C20orf96: variants seen among roughly 807,000 people sequenced by gnomAD.
C20orf96 encodes the protein uncharacterized protein C20orf96.
A neutral mutation model predicts 52.6 loss-of-function variants in C20orf96; 57 were observed. The observed-to-expected ratio is 1.08, with a 90% CI of 0.88 to 1.35. C20orf96 has a LOEUF of 1.35. Among genes scored for constraint, C20orf96 ranks in the 40% most tolerant of loss-of-function variants. C20orf96 has a pLI of 0.00. For missense variants in C20orf96, 478 were observed against 443.6 expected, an observed-to-expected ratio of 1.08 and a Z score of -0.70; for synonymous variants, 168 against 157.2, an observed-to-expected ratio of 1.07 and a Z score of -0.51.
Position 278,443 on chromosome 20 carries a change from G to A in C20orf96, c.466-14C>T. 1 of 1,604,882 alleles carries A rather than the reference G, an allele frequency of 6.2e-7. No homozygotes were observed. The highest frequency in any genetic ancestry group is 2.2e-5 in the East Asian group (1 of 44,804). ...GTCGATGATGGTCTGCGGGAGGGGTGGAGTCAACTCACCCACAGGCTCTGC... is the reference window on the plus strand; with the variant it reads ...GTCGATGATGGTCTGCGGGAGGGGTAGAGTCAACTCACCCACAGGCTCTGC... On this transcript the variant is annotated splice_polypyrimidine_tract_variant and intron_variant, in intron 5 of 10. Transcript: ENST00000360321.
chr20:286,344 C>T (rs964116482), intron 3 of C20orf96, among the ~76,000 whole-genome samples: 2 of 151,680 alleles, frequency 1.3e-5, no homozygotes, highest in Non-Finnish European at 2.9e-5. Context: ...TGGTGAAACC[C>T]CATCTCTACT....
At position 271,182 on chromosome 20, in the gene C20orf96, G is replaced by A. The variant is rs954741825; in HGVS notation, c.*25C>T. 2.6e-6 allele frequency: 4 copies of A among 1,546,086 alleles called. No individual in the cohort carries two copies. Among genetic ancestry groups the A allele is most frequent in the Non-Finnish European group, 2.6e-6 (3 of 1,141,830 alleles). ...CAGGTGCTGGGAAGAGAGCAGGAGG[G>A]GAGGGCGGCCCATGGCACTGCCATC... is the stretch of plus-strand genomic sequence containing the variant. On this transcript the variant is annotated 3_prime_UTR_variant, in exon 11 of 11. Transcript: ENST00000360321.
At chr20:281,848 C>A (rs1332797807) in intron 4 of C20orf96, among the ~76,000 whole-genome samples, 10 of 152,106 alleles carry the variant, frequency 6.6e-5, no homozygotes, top group Non-Finnish European at 1.5e-5. Flanking sequence ...TGTCTATAGT[C>A]CCAACTACTC....
chr20:273,899 A>AAGGG (rs1299314870), intron 10 of C20orf96, among the ~76,000 whole-genome samples: 2 of 59,030 alleles, frequency 3.4e-5, no homozygotes, highest in African/African-American at 1.6e-4. Flanking sequence ...GGAAGAAAGG[A>AAGGG]AGGAAGGGAG....
At chr20:288,103 A>C (rs2012434132) in intron 3 of C20orf96, among the ~76,000 whole-genome samples, 1 of 135,022 alleles carries the variant, frequency 7.4e-6, no homozygotes, top group African/African-American at 2.8e-5. Context: ...TTTACATTTA[A>C]TTTCTATTTT....
chr20:281,101 A>T (rs2012242959), intron 4 of C20orf96, among the ~76,000 whole-genome samples: 3 of 152,180 alleles, frequency 2.0e-5, no homozygotes, highest in Admixed American at 2.0e-4. Flanking sequence ...GGCTGCAGTA[A>T]GTCAAGATTA....
intron 3 of C20orf96, among the ~76,000 whole-genome samples, chr20:284,914 C>G (rs552318503): frequency 6.6e-6 from 1 of 152,302 alleles, no homozygotes; most frequent in Non-Finnish European, 1.5e-5. Context: ...CTTCTACTAG[C>G]TGCGTGACCT....
rs754475212 is a variant in C20orf96, at chr20:279,284, C to T, written c.353G>A (p.Arg118His). 6.2e-7 allele frequency: 1 copy of T among 1,609,838 alleles called. No homozygotes were observed. Among genetic ancestry groups the T allele is most frequent in the South Asian group, 1.1e-5 (1 of 91,038 alleles). The change falls in exon 5 of 11, where the codon CGT becomes CAT. Residue 118 changes from arginine to histidine, a missense_variant. Transcript: ENST00000360321. The part of the protein sequence containing the change: ...GRAALRELRS[R>H]ENFLSKLNRE... Reference sequence around the variant, plus strand: ...GTTGAGCTTGCTGAGGAAGTTCTCACGGCTTCGGAGCTCTCGCAGAGCGGC... The same window carrying T: ...GTTGAGCTTGCTGAGGAAGTTCTCATGGCTTCGGAGCTCTCGCAGAGCGGC...
At chr20:287,406 C>T (rs1246345008) in intron 3 of C20orf96, among the ~76,000 whole-genome samples, 1 of 152,214 alleles carries the variant, frequency 6.6e-6, no homozygotes, top group Non-Finnish European at 1.5e-5. Flanking sequence ...TGCATTGCCC[C>T]AATGGCTAAT....
intron 4 of C20orf96, among the ~76,000 whole-genome samples, chr20:279,885 G>A (rs1376173923): frequency 6.6e-6 from 1 of 152,060 alleles, no homozygotes; most frequent in Non-Finnish European, 1.5e-5. Flanking sequence ...CAGGAGAATC[G>A]CTTGAACCTG....
chr20:289,444 A>G, intron 3 of C20orf96, 115 bp downstream of exon 3: 1 of 709,456 alleles, frequency 1.4e-6, no homozygotes, highest in Non-Finnish European at 2.6e-6. Flanking sequence ...CAATTTGGGC[A>G]TTGTTTATTA....
intron 4 of C20orf96, among the ~76,000 whole-genome samples, chr20:283,508 T>G (rs961613441): frequency 5.3e-5 from 8 of 152,124 alleles, no homozygotes; most frequent in African/African-American, 1.9e-4. Flanking sequence ...TTCACCACGT[T>G]GGCCAGGCTG....
At chr20:289,305 A>G (rs2012475235) in intron 3 of C20orf96, among the ~76,000 whole-genome samples, 1 of 152,102 alleles carries the variant, frequency 6.6e-6, no homozygotes, top group Non-Finnish European at 1.5e-5. Context: ...AGACCTTACA[A>G]AATATCAGAC....
intron 3 of C20orf96, 90 bp from the exon 4 acceptor site, chr20:284,171 G>C: frequency 1.1e-6 from 1 of 906,162 alleles, no homozygotes; most frequent in Non-Finnish European, 1.8e-6. Context: ...AATGAGAGGA[G>C]GGCCAGACCC....
At position 276,421 on chromosome 20, in the gene C20orf96, A is replaced by G. The variant is rs1215014554; in HGVS notation, c.913-335T>C. ...TTAAAAACCAGTGAAGAGGCAAGAT[A>G]ATGAAAATTAATTCAAGAAGGCAGT... On this transcript the variant is annotated intron_variant, in intron 9 of 10. Transcript: ENST00000360321. The G allele has an allele frequency of 1.1e-5, 11 of 985,242 alleles. No individual in the cohort carries two copies. In the Admixed American group the frequency reaches 6.2e-4, roughly 55 times the overall value. 61.0% of individuals were successfully genotyped at this position (985,242 alleles called of 1,614,324 possible).
intron 4 of C20orf96, among the ~76,000 whole-genome samples, chr20:279,874 G>A (rs933399845): frequency 6.6e-6 from 1 of 152,108 alleles, no homozygotes; most frequent in African/African-American, 2.4e-5. Flanking sequence ...GGAGGCTGAG[G>A]CAGGAGAATC....
chr20:276,732 C>T, intron 9 of C20orf96, 61 bp downstream of exon 9: 1 of 1,578,712 alleles, frequency 6.3e-7, no homozygotes, highest in South Asian at 1.1e-5. Flanking sequence ...TTCCCACAGG[C>T]CGTGGGGACT....
Position 276,788 on chromosome 20 carries a change from C to T in C20orf96, c.912+5G>A, listed in dbSNP as rs761027689. Reference sequence around the variant, plus strand: ...CAGGGACCACCACCTTCCTTGCCCACGCACTTCTCTGAACCTTTGCATGCA... The same window carrying T: ...CAGGGACCACCACCTTCCTTGCCCATGCACTTCTCTGAACCTTTGCATGCA... On this transcript the variant is annotated splice_donor_5th_base_variant and intron_variant, in intron 9 of 10. Transcript: ENST00000360321. The T allele has an allele frequency of 2.7e-5, 43 of 1,611,530 alleles. 1 individual carries two copies. The highest frequency in any genetic ancestry group is 1.3e-4 in the South Asian group (12 of 90,588).
In C20orf96 at chr20:278,349, C is replaced by T; in HGVS notation, c.546G>A (p.Lys182=). 6.2e-7 allele frequency: 1 copy of T among 1,613,944 alleles called. No individual in the cohort carries two copies. Residue 182 remains lysine, a synonymous_variant, in exon 6 of 11, where the codon AAG becomes AAA. Coordinates refer to ENST00000360321, the MANE Select transcript of C20orf96 (RefSeq NM_153269.3). ...TCTTACAGCTCATCTTGCATTTCTT[C>T]TTTTCTTCCCACTCCTGAAGCTCAG... is the stretch of plus-strand genomic sequence containing the variant. ...LKSELQEWEE[K]KKCKMSYLEQ...
Sources: allele counts gnomAD v4.1 joint callset (sites outside exome capture counted in the v4.1 genomes callset), GRCh38; gene constraint gnomAD v4.1.1; transcripts MANE v1.5; gene names NCBI Gene and HGNC (gene_info 2026-07-23, HGNC 2026-07-21).